PTPRT: variants seen among roughly 807,000 people sequenced by gnomAD.
PTPRT encodes receptor-type tyrosine-protein phosphatase T.
In PTPRT, 56 loss-of-function variants were observed where a neutral mutation model predicts 176.8. That is an observed-to-expected ratio of 0.32 (90% CI 0.26 to 0.40). The LOEUF (loss-of-function observed/expected upper bound fraction) is 0.40. Among genes scored for constraint, PTPRT ranks in the 10% least tolerant of loss-of-function variants. The pLI is 1.00. For synonymous variants in PTPRT, 783 were observed against 739.0 expected, an observed-to-expected ratio of 1.06 and a Z score of -0.96; for missense variants, 1,540 against 1,908.2, an observed-to-expected ratio of 0.81 and a Z score of 3.60.
intron 7 of PTPRT, among the ~76,000 whole-genome samples, chr20:42,563,713 T>C (rs1037482689): frequency 6.6e-6 from 1 of 152,218 alleles, no homozygotes; most frequent in Non-Finnish European, 1.5e-5. Context: ...GCTGTTCATA[T>C]CCTTTTTGAG....
rs76967216 is a variant in PTPRT at position 43,013,958 on chromosome 20, G to A, written c.89-128026C>T. ...AGGGATTGTTGTGAGGATTAAATGTGATACTGAACATAATAAGGCGAGGTC... is the reference window on the plus strand; with the variant it reads ...AGGGATTGTTGTGAGGATTAAATGTAATACTGAACATAATAAGGCGAGGTC... On this transcript the variant is annotated intron_variant, in intron 1 of 30. Coordinates refer to ENST00000373187, the MANE Select transcript of PTPRT (RefSeq NM_007050.6). Among the ~76,000 whole-genome samples, 241 of 152,288 alleles carry A rather than the reference G, an allele frequency of 1.6e-3. 7 individuals carry two copies. The East Asian group carries it at 0.043, about 27-fold the overall frequency.
At chr20:42,668,228 C>T (rs1600578108) in intron 7 of PTPRT, among the ~76,000 whole-genome samples, 1 of 152,198 alleles carries the variant, frequency 6.6e-6, no homozygotes, top group South Asian at 2.1e-4. Flanking sequence ...CTAGGAGGCC[C>T]TGGCTCCCTA....
intron 2 of PTPRT, among the ~76,000 whole-genome samples, chr20:42,835,509 G>A (rs187658077): frequency 1.3e-5 from 2 of 152,228 alleles, no homozygotes; most frequent in East Asian, 3.9e-4. Context: ...AACGCAGGGG[G>A]AAACAGCAGC....
intron 6 of PTPRT, among the ~76,000 whole-genome samples, chr20:42,742,609 T>C (rs551773557): frequency 6.6e-6 from 1 of 152,160 alleles, no homozygotes; most frequent in South Asian, 2.1e-4. Flanking sequence ...GGAGTGTATA[T>C]CACTTCTGCA....
chr20:42,051,340 C>A, the PTPRT span, among the ~76,000 whole-genome samples: 1 of 152,162 alleles, frequency 6.6e-6, no homozygotes, highest in East Asian at 1.9e-4. Flanking sequence ...AACTCTGAGA[C>A]AAGGAATTGG....
intron 1 of PTPRT, among the ~76,000 whole-genome samples, chr20:43,069,531 T>C (rs1568766412): frequency 6.6e-6 from 1 of 152,230 alleles, no homozygotes; most frequent in Non-Finnish European, 1.5e-5. Context: ...ATTATATTTA[T>C]TCATCCCTGA....
chr20:43,010,146 C>T (rs1332181224), intron 1 of PTPRT, among the ~76,000 whole-genome samples: 8 of 152,158 alleles, frequency 5.3e-5, no homozygotes, highest in Non-Finnish European at 1.5e-5. Context: ...ATTGTTTCAC[C>T]CTGTCTCCAT....
chr20:42,721,814 A>G (rs1021044929), intron 6 of PTPRT, among the ~76,000 whole-genome samples: 2 of 152,156 alleles, frequency 1.3e-5, no homozygotes, highest in African/African-American at 4.8e-5. Flanking sequence ...TCCTAATTGC[A>G]CAGACACCTC....
intron 2 of PTPRT, among the ~76,000 whole-genome samples, chr20:42,826,590 T>C (rs1303110496): frequency 6.6e-6 from 1 of 152,192 alleles, no homozygotes; most frequent in Non-Finnish European, 1.5e-5. Flanking sequence ...TCAAATGTAG[T>C]ATCTCTTCTT....
chr20:43,113,149 A>T (rs1276794765), intron 1 of PTPRT, among the ~76,000 whole-genome samples: 1 of 152,190 alleles, frequency 6.6e-6, no homozygotes, highest in Admixed American at 6.5e-5. Flanking sequence ...CATGATATAA[A>T]CGTGTCTCCT....
intron 7 of PTPRT, among the ~76,000 whole-genome samples, chr20:42,659,094 T>C (rs968755030): frequency 6.6e-6 from 1 of 152,162 alleles, no homozygotes; most frequent in South Asian, 2.1e-4. Context: ...GAAAACATAT[T>C]TTTTTCATCA....
At chr20:42,374,181 C>T (rs1048379125) in intron 9 of PTPRT, among the ~76,000 whole-genome samples, 3 of 152,228 alleles carry the variant, frequency 2.0e-5, no homozygotes, top group African/African-American at 7.2e-5. Context: ...CTGCCATAGC[C>T]CATCTGTCTC....
intron 13 of PTPRT, among the ~76,000 whole-genome samples, chr20:42,266,201 T>C (rs1473631666): frequency 6.6e-6 from 1 of 152,160 alleles, no homozygotes; most frequent in African/African-American, 2.4e-5. Flanking sequence ...AGTAATTGGC[T>C]CAAGGTCCCC....
intron 1 of PTPRT, among the ~76,000 whole-genome samples, chr20:43,163,898 GT>G (rs1213289265): frequency 6.6e-6 from 1 of 152,172 alleles, no homozygotes; most frequent in East Asian, 1.9e-4. Context: ...CTAAAAATGA[GT>G]TGCAAATTGA....
At position 42,534,292 on chromosome 20, in the gene PTPRT, G is replaced by C. The variant is rs2072436802; in HGVS notation, c.1154-61730C>G. On this transcript the variant is annotated intron_variant, in intron 7 of 30. Coordinates refer to ENST00000373187, the MANE Select transcript of PTPRT (RefSeq NM_007050.6). ...TGGCAAACAGATACCAGCAGACAGTGTGTGTGGATTTCCACAAGGACAGCA... is the reference window on the plus strand; with the variant it reads ...TGGCAAACAGATACCAGCAGACAGTCTGTGTGGATTTCCACAAGGACAGCA... 2.6e-5 allele frequency among the ~76,000 whole-genome samples: 4 copies of C among 152,312 alleles called. No individual in the cohort carries two copies. In the South Asian group the frequency reaches 8.3e-4, roughly 32 times the overall value.
At chr20:42,249,737 C>T (rs1016604002) in intron 13 of PTPRT, among the ~76,000 whole-genome samples, 7 of 152,134 alleles carry the variant, frequency 4.6e-5, no homozygotes, top group African/African-American at 1.7e-4. Flanking sequence ...TTCCTCAATC[C>T]CTTCTCCCTA....
At chr20:42,908,847 A>G (rs1227581979) in intron 1 of PTPRT, among the ~76,000 whole-genome samples, 2 of 152,198 alleles carry the variant, frequency 1.3e-5, no homozygotes, top group Non-Finnish European at 2.9e-5. Context: ...GGTAGCTAGT[A>G]TTGGTTTAAT....
chr20:42,192,494 A>G (rs1320847532), intron 16 of PTPRT, among the ~76,000 whole-genome samples: 1 of 152,218 alleles, frequency 6.6e-6, no homozygotes, highest in Non-Finnish European at 1.5e-5. Context: ...GCCCACAAAG[A>G]AACCCTTTTA....
chr20:42,755,572 A>ATTT lies in PTPRT; in HGVS notation c.859+887_859+889dup, dbSNP rs11480364. Among the ~76,000 whole-genome samples, 93 of 147,198 alleles carry ATTT rather than the reference A, an allele frequency of 6.3e-4. No homozygotes were observed. In the East Asian group the frequency reaches 0.012, roughly 19 times the overall value. On this transcript the variant is annotated intron_variant, in intron 6 of 30. Coordinates refer to ENST00000373187, the MANE Select transcript of PTPRT (RefSeq NM_007050.6). ...AGTTACCAGTGTAAACTGTCAAACC[A>ATTT]TTTTTTTTTTTTTGCAAAAGCAATA...
Sources: gnomAD v4.1 joint callset for allele counts (sites outside exome capture counted in the v4.1 genomes callset) on GRCh38, gnomAD v4.1.1 for gene constraint, MANE v1.5 for transcripts, NCBI Gene and HGNC (gene_info 2026-07-23, HGNC 2026-07-21) for gene names.